The following TBX19 variants were observed in gnomAD, a reference collection of about 807,000 sequenced individuals.
The protein encoded by TBX19 is T-box transcription factor TBX19.
In TBX19, 33 loss-of-function variants were observed where a neutral mutation model predicts 40.9. The ratio of observed to expected loss-of-function variants is 0.81; its 90% CI spans 0.61 to 1.08. The LOEUF is 1.08. TBX19 is among the 50% of genes least tolerant of loss of function. The probability of loss-of-function intolerance (pLI) is 0.00; values close to 1 mark genes in which losing one functional copy is unlikely to be tolerated. For missense variants in TBX19, 494 were observed against 574.0 expected, an observed-to-expected ratio of 0.86 and a Z score of 1.42; for synonymous variants, 220 against 225.0, an observed-to-expected ratio of 0.98 and a Z score of 0.20.
Position 168,291,182 on chromosome 1 carries a change from A to T in TBX19, c.226A>T (p.Ile76Phe), listed in dbSNP as rs776710499. ...TAGACGGATGTTTCCAGTCCTAAAG[A>T]TTAGTGTCACAGGGTTGGACCCCAA... Reference protein sequence around the residue: ...NGRRMFPVLKISVTGLDPNAM... With the variant: ...NGRRMFPVLKFSVTGLDPNAM... The change falls in exon 2 of 8, where the codon ATT becomes TTT. Residue 76 changes from isoleucine to phenylalanine, a missense_variant. Ile to Phe is a conservative substitution (Grantham distance 21). This residue lies in a region of TBX19 where 201 missense variants were observed against 235.2 expected (regional missense o/e 0.85). Coordinates refer to ENST00000367821, the MANE Select transcript of TBX19 (RefSeq NM_005149.3). 7.4e-6 allele frequency: 12 copies of T among 1,613,978 alleles called. No homozygotes were observed. In the Admixed American group the frequency reaches 2.0e-4, roughly 27 times the overall value.
rs1649461770 is a variant in TBX19 at position 168,308,757 on chromosome 1, G to A, written c.932G>A (p.Ser311Asn). The change falls in exon 7 of 8, where the codon AGC becomes AAC. Residue 311 changes from serine to asparagine, a missense_variant. Around this residue, in one of 3 missense-constraint regions of TBX19, gnomAD observed 284 missense variants for 307.3 expected, o/e 0.92. Transcript: ENST00000367821. ...NHSPSVNLIE[S>N]SSNNLQVFSG... ...TTTCCCCAAGTGAATTTGATAGAAAGCTCAAGCAATAATCTGCAAGTTTTC... is the reference window on the plus strand; with the variant it reads ...TTTCCCCAAGTGAATTTGATAGAAAACTCAAGCAATAATCTGCAAGTTTTC... 6.2e-7 allele frequency: 1 copy of A among 1,614,088 alleles called. No homozygotes were observed. The highest frequency in any genetic ancestry group is 1.6e-4 in the Middle Eastern group (1 of 6,062).
At chr1:168,293,376 G>A (rs1649003093) in intron 3 of TBX19, 98 bp downstream of exon 3, 1 of 1,445,484 alleles carries the variant, frequency 6.9e-7, no homozygotes, top group Non-Finnish European at 9.3e-7. Context: ...GGTCCTTTTA[G>A]ATGAAAGGTA....
intron 1 of TBX19, among the ~76,000 whole-genome samples, chr1:168,290,958 G>A (rs1648921505): frequency 6.6e-6 from 1 of 152,100 alleles, no homozygotes; most frequent in Non-Finnish European, 1.5e-5. Flanking sequence ...TTAAAACGGA[G>A]CATGTTTTAA....
chr1:168,284,649 A>G (rs1442342990), intron 1 of TBX19, among the ~76,000 whole-genome samples: 1 of 150,490 alleles, frequency 6.6e-6, no homozygotes, highest in Non-Finnish European at 1.5e-5. Flanking sequence ...GGTGACACCT[A>G]CCTGTAGTCC....
intron 2 of TBX19, 63 bp from the exon 3 acceptor site, chr1:168,293,081 C>T (rs536784923): frequency 8.1e-6 from 13 of 1,604,374 alleles, no homozygotes; most frequent in Admixed American, 1.7e-5. Flanking sequence ...ATGCTGGCTC[C>T]TTTATCACCT....
chr1:168,309,578 GGGGACATATT>G (rs1180694468), intron 7 of TBX19, among the ~76,000 whole-genome samples: 10 of 152,044 alleles, frequency 6.6e-5, no homozygotes, highest in African/African-American at 2.2e-4. Flanking sequence ...ATCCTAAAAG[GGGGACATATT>G]GTGGATGCCT....
At chr1:168,298,159 G>A (rs1002564940) in intron 4 of TBX19, among the ~76,000 whole-genome samples, 6 of 152,182 alleles carry the variant, frequency 3.9e-5, no homozygotes, top group African/African-American at 1.4e-4. Context: ...TGGCGCCACT[G>A]CATTCCAGCC....
chr1:168,293,228 T>A lies in TBX19; in HGVS notation c.553T>A (p.Ser185Thr). The A allele has an allele frequency of 6.2e-7, 1 of 1,613,714 alleles. No individual in the cohort carries two copies. The highest frequency in any genetic ancestry group is 8.5e-7 in the Non-Finnish European group (1 of 1,179,910). The change falls in exon 3 of 8, where the codon TCC (serine) becomes ACC (threonine). Residue 185 changes from serine to threonine, a missense_variant. Coordinates refer to ENST00000367821, the MANE Select transcript of TBX19 (RefSeq NM_005149.3). ...GSAHRMVTNC[S>T]FPETQFIAVT... ...TGCCCATCGAATGGTAACAAACTGCTCCTTCCCTGAAACCCAGTTCATAGC... is the reference window on the plus strand; with the variant it reads ...TGCCCATCGAATGGTAACAAACTGCACCTTCCCTGAAACCCAGTTCATAGC...
At position 168,291,454 on chromosome 1, in the gene TBX19, C is replaced by A. The variant is rs373434443; in HGVS notation, c.468+30C>A. ...GAATGAGGCGGGCAGGCCTGGCCAC[C>A]CGCTCCGGCCTCCCCACAACACCAA... On this transcript the variant is annotated intron_variant, in intron 2 of 7. Transcript: ENST00000367821. 71 of 1,613,966 alleles carry A rather than the reference C, an allele frequency of 4.4e-5. No individual in the cohort carries two copies. The African/African-American group carries it at 7.7e-4, about 18-fold the overall frequency.
intron 3 of TBX19, 21 bp downstream of exon 3, chr1:168,293,299 G>A (rs1305792941): frequency 6.4e-7 from 1 of 1,562,726 alleles, no homozygotes; most frequent in African/African-American, 1.4e-5. Flanking sequence ...GTGTGTGTGT[G>A]TGTGTGTGTG....
intron 1 of TBX19, among the ~76,000 whole-genome samples, chr1:168,290,822 G>A (rs966039967): frequency 6.6e-6 from 1 of 152,188 alleles, no homozygotes; most frequent in African/African-American, 2.4e-5. Context: ...GGAAGGGCTG[G>A]TCAGTGGCAT....
chr1:168,306,140 C>A (rs1472713124), intron 6 of TBX19, among the ~76,000 whole-genome samples: 1 of 152,176 alleles, frequency 6.6e-6, no homozygotes, highest in Non-Finnish European at 1.5e-5. Context: ...TCCCTGTGTC[C>A]CTTAGCCTGC....
intron 1 of TBX19, among the ~76,000 whole-genome samples, chr1:168,285,387 A>G (rs1001361345): frequency 6.6e-6 from 1 of 152,026 alleles, no homozygotes; most frequent in African/African-American, 2.4e-5. Context: ...AACTTTTTGA[A>G]TTTGCTTTTA....
At position 168,305,523 on chromosome 1, in the gene TBX19, G is replaced by A. The variant is rs541015987; in HGVS notation, c.916+327G>A. On this transcript the variant is annotated intron_variant, in intron 6 of 7. Transcript: ENST00000367821. ...TCTAAAAGCCATGTCAAGTTGTGTG[G>A]GTCTGAAACACTCAGCTCATCACCT... Among the ~76,000 whole-genome samples, 4 of 152,188 alleles carry A rather than the reference G, an allele frequency of 2.6e-5. No homozygotes were observed. The East Asian group carries it at 7.7e-4, about 29-fold the overall frequency.
intron 5 of TBX19, among the ~76,000 whole-genome samples, chr1:168,304,785 G>A (rs1649360461): frequency 6.6e-6 from 1 of 152,244 alleles, no homozygotes; most frequent in Non-Finnish European, 1.5e-5. Flanking sequence ...TGCAAAGGCA[G>A]TTTCAGGACT....
At chr1:168,293,335 C>T (rs1378087532) in intron 3 of TBX19, 57 bp downstream of exon 3, 2 of 1,527,944 alleles carry the variant, frequency 1.3e-6, no homozygotes, top group Non-Finnish European at 1.8e-6. Context: ...GTAACTGTCA[C>T]CTGGGAGATC....
At chr1:168,291,503 T>G (rs1342613969) in intron 2 of TBX19, 79 bp downstream of exon 2, 1 of 1,602,118 alleles carries the variant, frequency 6.2e-7, no homozygotes, top group Non-Finnish European at 8.5e-7. Context: ...AGGGTGCATT[T>G]AGGCAATTAG....
chr1:168,309,025 G>T, intron 7 of TBX19, 148 bp downstream of exon 7: 1 of 1,150,088 alleles, frequency 8.7e-7, no homozygotes, highest in Non-Finnish European at 1.3e-6. Context: ...GTGGCAACAG[G>T]GTGGAGTTCT....
intron 6 of TBX19, among the ~76,000 whole-genome samples, 155 bp downstream of exon 6, chr1:168,305,351 T>C (rs778464832): frequency 2.6e-5 from 4 of 152,230 alleles, no homozygotes; most frequent in Non-Finnish European, 4.4e-5. Flanking sequence ...TTTATTTTAT[T>C]GTTATTTTAT....
Sources: allele counts gnomAD v4.1 joint callset (sites outside exome capture counted in the v4.1 genomes callset), GRCh38; gene constraint gnomAD v4.1.1; regional missense constraint gnomAD v4.1.1; transcripts MANE v1.5; gene names NCBI Gene and HGNC (gene_info 2026-07-23, HGNC 2026-07-21).